Variants in SPMIP3 observed in about 807,000 individuals in gnomAD.
SPMIP3 encodes protein SPMIP3.
the SPMIP3 span, among the ~76,000 whole-genome samples, chr1:244,366,032 C>T: frequency 6.6e-6 from 1 of 152,166 alleles, no homozygotes; most frequent in Non-Finnish European, 1.5e-5. Flanking sequence ...TAACCCCACT[C>T]CCCCTTCACC....
the SPMIP3 span, among the ~76,000 whole-genome samples, chr1:244,372,107 A>G: frequency 8.5e-5 from 13 of 152,056 alleles, no homozygotes; most frequent in African/African-American, 3.1e-4. Context: ...AATTCTGTCC[A>G]TGTCTTGGCC....
chr1:244,379,865 G>A, the SPMIP3 span, among the ~76,000 whole-genome samples: 1 of 151,812 alleles, frequency 6.6e-6, no homozygotes, highest in Non-Finnish European at 1.5e-5. Flanking sequence ...CTACTCGGGA[G>A]GCTGAGGCAG....
At chr1:244,360,259 G>A in the SPMIP3 span, among the ~76,000 whole-genome samples, 1 of 152,038 alleles carries the variant, frequency 6.6e-6, no homozygotes, top group African/African-American at 2.4e-5. Context: ...ACCTTCATAC[G>A]CTGTTGGTAG....
the SPMIP3 span, among the ~76,000 whole-genome samples, chr1:244,387,702 T>G: frequency 6.6e-6 from 1 of 152,092 alleles, no homozygotes; most frequent in Non-Finnish European, 1.5e-5. Flanking sequence ...GGAGGTTGGA[T>G]TACAGCAGGA....
At chr1:244,378,603 T>TACCGAC in the SPMIP3 span, 1 of 1,613,970 alleles carries the variant, frequency 6.2e-7, no homozygotes, top group East Asian at 2.2e-5. Flanking sequence ...AGAAACCACT[T>TACCGAC]ACCGACGAGA....
At chr1:244,378,787 G>A in the SPMIP3 span, 1 of 887,824 alleles carries the variant, frequency 1.1e-6, no homozygotes, top group Non-Finnish European at 1.7e-6. Context: ...TTTCTGGGGT[G>A]CAGGAAGAAT....
At chr1:244,388,447 A>G in the SPMIP3 span, among the ~76,000 whole-genome samples, 2 of 148,778 alleles carry the variant, frequency 1.3e-5, no homozygotes, top group South Asian at 2.2e-4. Context: ...GACTGTTTTT[A>G]CCATATACGT....
At chr1:244,378,951 C>T in the SPMIP3 span, among the ~76,000 whole-genome samples, 11 of 151,430 alleles carry the variant, frequency 7.3e-5, no homozygotes, top group East Asian at 3.9e-4. Flanking sequence ...TTTTTTGAGA[C>T]GGAGTCTCGC....
chr1:244,389,587 A>C, the SPMIP3 span: 1 of 152,226 alleles, frequency 6.6e-6, no homozygotes, highest in African/African-American at 2.4e-5. Context: ...AAAGCCTGAC[A>C]ACTAGGCATC....
chr1:244,367,581 C>T, the SPMIP3 span, among the ~76,000 whole-genome samples: 5 of 152,114 alleles, frequency 3.3e-5, no homozygotes, highest in Admixed American at 2.6e-4. Flanking sequence ...GAGCCGGAGC[C>T]GTCAGTGTGC....
chr1:244,376,505 T>C, the SPMIP3 span: 1 of 152,312 alleles, frequency 6.6e-6, no homozygotes, highest in East Asian at 1.9e-4. Context: ...TGAGAACATT[T>C]AGAAAACATT....
At chr1:244,356,160 CTA>C in the SPMIP3 span, among the ~76,000 whole-genome samples, 1 of 152,172 alleles carries the variant, frequency 6.6e-6, no homozygotes, top group African/African-American at 2.4e-5. Context: ...ACTTGCAGCA[CTA>C]TGTTTAATAT....
At chr1:244,380,804 G>A in the SPMIP3 span, among the ~76,000 whole-genome samples, 8 of 152,128 alleles carry the variant, frequency 5.3e-5, no homozygotes, top group Admixed American at 1.3e-4. Context: ...AACAGCAAAT[G>A]CAGCCATCAG....
chr1:244,384,974 T>TCA, the SPMIP3 span, among the ~76,000 whole-genome samples: 2 of 152,178 alleles, frequency 1.3e-5, no homozygotes, highest in Non-Finnish European at 2.9e-5. Context: ...TGATCTCAGC[T>TCA]CACCACAACC....
At chr1:244,356,071 G>A in the SPMIP3 span, among the ~76,000 whole-genome samples, 749 of 152,154 alleles carry the variant, frequency 4.9e-3, 22 homozygotes, top group East Asian at 6.6e-3. Flanking sequence ...GATTTTCTAC[G>A]TGGACAATTA....
At chr1:244,354,954 T>C in the SPMIP3 span, among the ~76,000 whole-genome samples, 1 of 152,196 alleles carries the variant, frequency 6.6e-6, no homozygotes, top group African/African-American at 2.4e-5. Context: ...CTATGATTAA[T>C]CTCTGACATT....
chr1:244,352,941 TAACTC>T, the SPMIP3 span, among the ~76,000 whole-genome samples: 1 of 152,230 alleles, frequency 6.6e-6, no homozygotes, highest in African/African-American at 2.4e-5. Flanking sequence ...GTCATAGTTT[TAACTC>T]AACGTGTCTT....
At chr1:244,370,577 T>C in the SPMIP3 span, among the ~76,000 whole-genome samples, 1 of 152,234 alleles carries the variant, frequency 6.6e-6, no homozygotes, top group South Asian at 2.1e-4. Context: ...CAGCAGAGCT[T>C]GCAGTGAGTG....
chr1:244,368,712 G>A, the SPMIP3 span, among the ~76,000 whole-genome samples: 5 of 152,196 alleles, frequency 3.3e-5, no homozygotes, highest in Non-Finnish European at 7.3e-5. Context: ...ACCTGAGCCT[G>A]CCCTTGTGTG....
Sources: allele counts gnomAD v4.1 joint callset (sites outside exome capture counted in the v4.1 genomes callset), GRCh38; gene constraint gnomAD v4.1.1; transcripts MANE v1.5; gene names NCBI Gene and HGNC (gene_info 2026-07-23, HGNC 2026-07-21).